The following KCNT1 variants were observed in gnomAD, a reference collection of about 807,000 sequenced individuals.
KCNT1 encodes the protein potassium sodium-activated channel subfamily T member 1, also known as potassium channel subfamily T member 1.
In KCNT1, 78 loss-of-function variants were observed where a neutral mutation model predicts 147.8. The observed-to-expected ratio is 0.53, with a 90% CI of 0.44 to 0.64. The LOEUF (loss-of-function observed/expected upper bound fraction) is 0.64. KCNT1 is among the 30% of genes least tolerant of loss of function. The probability of loss-of-function intolerance (pLI) is 0.00; values close to 1 mark genes in which losing one functional copy is unlikely to be tolerated. For missense variants in KCNT1, 1,419 were observed against 1,750.3 expected, an observed-to-expected ratio of 0.81 and a Z score of 3.38; for synonymous variants, 867 against 748.8, an observed-to-expected ratio of 1.16 and a Z score of -2.58.
intron 27 of KCNT1, 76 bp downstream of exon 27, chr9:135,784,965 G>T (rs868807627): frequency 1.9e-6 from 3 of 1,554,528 alleles, no homozygotes; most frequent in Middle Eastern, 1.7e-4. Context: ...ACCTTCCGGG[G>T]GCTGGGACTG....
rs1831679277 is a variant in KCNT1 at position 135,758,597 on chromosome 9, T to C, written c.854+89T>C. On this transcript the variant is annotated intron_variant, in intron 10 of 30. Transcript: ENST00000371757. ...CCGGGCGAGGGGATACAGATGCCTA[T>C]GTCCAAGCTATCGGGGCAGAAAAGG... 10 of 1,061,168 alleles carry C rather than the reference T, an allele frequency of 9.4e-6. 1 individual carries two copies. The South Asian group carries it at 1.0e-4, about 11-fold the overall frequency. The allele number at this position is 1,061,168 out of a possible 1,614,324, so 65.7% of individuals were successfully genotyped here.
intron 2 of KCNT1, among the ~76,000 whole-genome samples, chr9:135,717,542 T>G (rs1835770146): frequency 6.6e-6 from 1 of 152,070 alleles, no homozygotes; most frequent in Admixed American, 6.5e-5. Context: ...CTGGGCACAG[T>G]ACAGGAGTGG....
intron 2 of KCNT1, among the ~76,000 whole-genome samples, chr9:135,725,188 C>CG (rs59794363): frequency 7.9e-5 from 12 of 152,028 alleles, no homozygotes; most frequent in African/African-American, 1.4e-4. Flanking sequence ...ACACAGCTGC[C>CG]GGGGGGGACC....
intron 29 of KCNT1, chr9:135,790,150 C>G (rs1362861776): frequency 6.6e-6 from 1 of 152,246 alleles, no homozygotes; most frequent in African/African-American, 2.4e-5. Context: ...GCTGGTGGCC[C>G]CTTGTTCTCG....
chr9:135,706,129 G>T (rs928184412), intron 1 of KCNT1, among the ~76,000 whole-genome samples: 2 of 152,178 alleles, frequency 1.3e-5, no homozygotes, highest in African/African-American at 4.8e-5. Flanking sequence ...TCACCTCTCT[G>T]GGCCTCAGTT....
chr9:135,740,768 A>G (rs531542323), intron 2 of KCNT1, among the ~76,000 whole-genome samples: 1 of 152,332 alleles, frequency 6.6e-6, no homozygotes, highest in East Asian at 1.9e-4. Context: ...TGGTCCCAAC[A>G]GCTAAGTTAG....
rs1385439332 is a variant in KCNT1 at position 135,793,310 on chromosome 9, T to C, written c.*1149T>C. The C allele has an allele frequency of 1.3e-5, 2 of 151,960 alleles. No individual in the cohort carries two copies. The highest frequency in any genetic ancestry group is 2.1e-4 in the South Asian group (1 of 4,808). The allele number at this position is 151,960 out of a possible 1,614,324, so 9.4% of individuals were successfully genotyped here. On this transcript the variant is annotated 3_prime_UTR_variant, in exon 31 of 31. Transcript: ENST00000371757. Reference sequence around the variant, plus strand: ...TCCTTCCAAAACTCGGGAACCAAATTGTATTTGGCTACTGGTGACTGGATC... The same window carrying C: ...TCCTTCCAAAACTCGGGAACCAAATCGTATTTGGCTACTGGTGACTGGATC...
rs1481356544 is a variant in KCNT1 at position 135,758,416 on chromosome 9, T to C, written c.762T>C (p.Asn254=). 39 of 1,612,184 alleles carry C rather than the reference T, an allele frequency of 2.4e-5. No homozygotes were observed. Among genetic ancestry groups the C allele is most frequent in the Non-Finnish European group, 3.0e-5 (35 of 1,179,458 alleles). Residue 254 remains asparagine (N), a splice_region_variant and synonymous_variant, in exon 10 of 31, where the codon AAT becomes AAC. Coordinates refer to ENST00000371757, the MANE Select transcript of KCNT1 (RefSeq NM_020822.3). ...LAKHALENMI[N]DFHRAILRTQ... The stretch of plus-strand genomic sequence containing the variant: ...GACAGCCACCACTCCTTCCACAGAA[T>C]GACTTCCACCGTGCCATCCTGCGGA...
rs140516977 is a variant in KCNT1, at chr9:135,779,368, C to T, written c.2739C>T (p.Pro913=). The T allele has an allele frequency of 6.2e-7, 1 of 1,612,870 alleles. No individual in the cohort carries two copies. The highest frequency in any genetic ancestry group is 8.5e-7 in the Non-Finnish European group (1 of 1,179,196). Residue 913 remains proline, a synonymous_variant, in exon 24 of 31, where the codon CCC becomes CCT. Coordinates refer to ENST00000371757, the MANE Select transcript of KCNT1 (RefSeq NM_020822.3). ...CGCCTGCCTCCCCCAGGCTCTTCCCCAGCCTCAGCATCACCACGGAGCTCA... is the reference window on the plus strand; with the variant it reads ...CGCCTGCCTCCCCCAGGCTCTTCCCTAGCCTCAGCATCACCACGGAGCTCA... The part of the protein sequence containing the change: ...VNVQTMFRLF[P]SLSITTELTH...
In KCNT1 at chr9:135,765,071, CAG is replaced by C. The variant is rs796214553; in HGVS notation, c.1077_1078del (p.Gly361GlnfsTer134). ...TACCTCTGGATGGAGCGGCAGAAGT[CAG>C]GGGGCAACTACAGCCGCCACCGTGC... is the stretch of plus-strand genomic sequence containing the variant. On this transcript the variant is annotated frameshift_variant, in exon 12 of 31. Transcript: ENST00000371757. LOFTEE classifies it high-confidence loss of function. 58 of 1,613,062 alleles carry C rather than the reference CAG, an allele frequency of 3.6e-5. No individual in the cohort carries two copies. The highest frequency in any genetic ancestry group is 2.7e-5 in the African/African-American group (2 of 74,916).
intron 11 of KCNT1, among the ~76,000 whole-genome samples, chr9:135,763,015 C>T (rs963966382): frequency 1.1e-4 from 17 of 152,218 alleles, no homozygotes; most frequent in Admixed American, 4.6e-4. Flanking sequence ...TCCTTTCTCC[C>T]GTGTGGGGCA....
At chr9:135,715,645 G>T (rs1835694528) in intron 2 of KCNT1, among the ~76,000 whole-genome samples, 1 of 152,230 alleles carries the variant, frequency 6.6e-6, no homozygotes, top group Non-Finnish European at 1.5e-5. Context: ...AGTACACGAG[G>T]TTGAAAATGG....
chr9:135,756,756 G>A, intron 6 of KCNT1, 117 bp from the exon 7 acceptor site: 1 of 866,860 alleles, frequency 1.2e-6, no homozygotes, highest in South Asian at 1.3e-5. Context: ...TGAGGGTCAA[G>A]GCAGACCCCA....
rs1299769695 is a variant in KCNT1, at chr9:135,752,648, CGGAT to C, written c.435-1285_435-1282del. ...GATGATGGATGGATGGACGGACGGA[CGGAT>C]GGACGGATGGATGGAGTGGATGGAG... On this transcript the variant is annotated intron_variant, in intron 4 of 30. Transcript: ENST00000371757. This position sits in a 1 kb window ranked among gnomAD's most constrained non-coding sequence, Gnocchi z 5.1. Among the ~76,000 whole-genome samples, 1 of 138,984 alleles carries C rather than the reference CGGAT, an allele frequency of 7.2e-6. No homozygotes were observed. The highest frequency in any genetic ancestry group is 1.5e-5 in the Non-Finnish European group (1 of 66,296). The allele number at this position is 138,984 out of a possible 152,430, so 91.2% of individuals were successfully genotyped here.
chr9:135,786,289 G>A lies in KCNT1; in HGVS notation c.3270G>A (p.Gln1090=). 6.2e-7 allele frequency: 1 copy of A among 1,607,382 alleles called. No individual in the cohort carries two copies. Among genetic ancestry groups the A allele is most frequent in the Non-Finnish European group, 8.5e-7 (1 of 1,177,976 alleles). Residue 1090 remains glutamine (Q), a synonymous_variant, in exon 29 of 31, where the codon CAG becomes CAA. Coordinates refer to ENST00000371757, the MANE Select transcript of KCNT1 (RefSeq NM_020822.3). Reference sequence around the variant, plus strand: ...GCGCTGGCACCGGAGGCAGCTCCCAGGGCCGCCACACGGGCGGCGGTGACC... The same window carrying A: ...GCGCTGGCACCGGAGGCAGCTCCCAAGGCCGCCACACGGGCGGCGGTGACC... ...GSRAGTGGSS[Q]GRHTGGGDPA...
intron 2 of KCNT1, among the ~76,000 whole-genome samples, chr9:135,747,665 G>A (rs916442478): frequency 6.6e-6 from 1 of 152,186 alleles, no homozygotes; most frequent in African/African-American, 2.4e-5. Context: ...GCAGGAGGAG[G>A]GGCTGAGGGA....
intron 18 of KCNT1, among the ~76,000 whole-genome samples, chr9:135,772,375 C>T (rs1832816743): frequency 1.3e-5 from 2 of 152,190 alleles, no homozygotes; most frequent in Non-Finnish European, 2.9e-5. Flanking sequence ...GGCAGCCTGA[C>T]CAGCTGCACA....
At chr9:135,751,845 G>A (rs1391957285) in intron 4 of KCNT1, among the ~76,000 whole-genome samples, 1 of 152,154 alleles carries the variant, frequency 6.6e-6, no homozygotes, top group African/African-American at 2.4e-5. Context: ...TGTGCTCTGT[G>A]TCCTGTTTCT....
At position 135,786,263 on chromosome 9, in the gene KCNT1, C is replaced by T. The variant is rs776232246; in HGVS notation, c.3244C>T (p.Arg1082Cys). 51 of 1,610,810 alleles carry T rather than the reference C, an allele frequency of 3.2e-5. No homozygotes were observed. The Middle Eastern group carries it at 5.0e-4, about 16-fold the overall frequency. ...GGAAGTGAAGGGGCCCTGGGGCTCC[C>T]GCGCTGGCACCGGAGGCAGCTCCCA... Reference protein sequence around the residue: ...TREVKGPWGSRAGTGGSSQGR... With the variant: ...TREVKGPWGSCAGTGGSSQGR... The change falls in exon 29 of 31, where the codon CGC becomes TGC. Residue 1082 changes from arginine (R) to cysteine (C), a missense_variant. This residue lies in a region of KCNT1 where 306 missense variants were observed against 294.2 expected (regional missense o/e 1.04). Transcript: ENST00000371757.
Sources: gnomAD v4.1 joint callset for allele counts (sites outside exome capture counted in the v4.1 genomes callset) on GRCh38, gnomAD v4.1.1 for gene constraint, gnomAD v4.1.1 regional missense constraint, Gnocchi (gnomAD v3.1) non-coding constraint, MANE v1.5 for transcripts, NCBI Gene and HGNC (gene_info 2026-07-23, HGNC 2026-07-21) for gene names.